The following ANKIB1 variants were observed in gnomAD, a reference collection of about 807,000 sequenced individuals.
ANKIB1 encodes ankyrin repeat and IBR domain containing 1.
A neutral mutation model predicts 122.1 loss-of-function variants in ANKIB1; 43 were observed. The ratio of observed to expected loss-of-function variants is 0.35; its 90% confidence interval spans 0.28 to 0.45. The LOEUF is 0.45. ANKIB1 is among the 20% of genes least tolerant of loss of function. The probability of loss-of-function intolerance (pLI) is 1.00; values close to 1 mark genes in which losing one functional copy is unlikely to be tolerated. For synonymous variants in ANKIB1, 390 were observed against 442.0 expected (o/e 0.88, Z 1.48); for missense variants, 992 against 1,329.5 (o/e 0.75, Z 3.95).
intron 1 of ANKIB1, among the ~76,000 whole-genome samples, chr7:92,252,293 C>T (rs1348167503): frequency 6.6e-6 from 1 of 152,070 alleles, no homozygotes; most frequent in South Asian, 2.1e-4. Context: ...ATGACTCCCA[C>T]CTGAATTAAC....
chr7:92,257,371 G>A (rs1436163277), intron 1 of ANKIB1, among the ~76,000 whole-genome samples: 3 of 152,034 alleles, frequency 2.0e-5, no homozygotes, highest in African/African-American at 7.3e-5. Context: ...TTAATTTAAG[G>A]TTCTTTTTTC....
At chr7:92,340,382 G>A in intron 5 of ANKIB1, among the ~76,000 whole-genome samples, 1 of 152,150 alleles carries the variant, frequency 6.6e-6, no homozygotes, top group Non-Finnish European at 1.5e-5. Flanking sequence ...TAGACAAATA[G>A]ACCATTGAAA....
intron 10 of ANKIB1, among the ~76,000 whole-genome samples, chr7:92,363,550 TG>T (rs1196907543): frequency 2.0e-5 from 3 of 152,174 alleles, no homozygotes; most frequent in Non-Finnish European, 4.4e-5. Context: ...TGAGTAAAGA[TG>T]AGAGTACAGA....
rs557726847 is a variant in ANKIB1, at chr7:92,318,482, G to C, written c.487-848G>C. ...GAATCATGCCATTGCACTCCAGTCT[G>C]GGTGACAGATCAAAACTCTGTCTCA... is the stretch of plus-strand genomic sequence containing the variant. On this transcript the variant is annotated intron_variant, in intron 3 of 19. Coordinates refer to ENST00000265742, the MANE Select transcript of ANKIB1 (RefSeq NM_019004.2). Among the ~76,000 whole-genome samples, 3 of 152,268 alleles carry C rather than the reference G, an allele frequency of 2.0e-5. No homozygotes were observed. In the East Asian group the frequency reaches 5.8e-4, roughly 29 times the overall value.
At chr7:92,368,939 G>C (rs1386302537) in intron 10 of ANKIB1, among the ~76,000 whole-genome samples, 2 of 152,180 alleles carry the variant, frequency 1.3e-5, no homozygotes, top group African/African-American at 2.4e-5. Context: ...AGGCCACACT[G>C]CTGCTTTGTT....
intron 1 of ANKIB1, among the ~76,000 whole-genome samples, chr7:92,256,177 A>T (rs1434307584): frequency 2.0e-5 from 3 of 152,222 alleles, no homozygotes; most frequent in Non-Finnish European, 2.9e-5. Flanking sequence ...AGAGGAGACA[A>T]CATTCTAGGA....
In ANKIB1 at chr7:92,246,271, T is replaced by G; in HGVS notation, c.-339T>G. On this transcript the variant is annotated 5_prime_UTR_variant, in exon 1 of 20. Coordinates refer to ENST00000265742, the MANE Select transcript of ANKIB1 (RefSeq NM_019004.2). ...AGAGGGATGGGGGGCGCCCACCCAG[T>G]CTGAGCCTCGCCGCGGGCGCCTTCG... is the stretch of plus-strand genomic sequence containing the variant. 1 of 406,812 alleles carries G rather than the reference T, an allele frequency of 2.5e-6. No homozygotes were observed. The highest frequency in any genetic ancestry group is 4.8e-6 in the Non-Finnish European group (1 of 209,026). 25.2% of individuals were successfully genotyped at this position (406,812 alleles called of 1,614,324 possible). A position where few individuals can be genotyped will look rare whatever the true frequency, so the allele number is the denominator to read the frequency against.
chr7:92,295,287 A>G (rs1325584573), intron 2 of ANKIB1, 121 bp downstream of exon 2: 4 of 611,906 alleles, frequency 6.5e-6, no homozygotes, highest in Non-Finnish European at 9.8e-6. Flanking sequence ...CATGATATAT[A>G]TACAAACATG....
intron 5 of ANKIB1, among the ~76,000 whole-genome samples, chr7:92,334,139 A>G (rs983220866): frequency 2.6e-5 from 4 of 152,142 alleles, no homozygotes; most frequent in African/African-American, 7.2e-5. Context: ...CTTTATTCCA[A>G]GGATAAATTT....
chr7:92,350,714 C>G (rs1803643864), intron 7 of ANKIB1, among the ~76,000 whole-genome samples: 1 of 152,038 alleles, frequency 6.6e-6, no homozygotes, highest in Non-Finnish European at 1.5e-5. Context: ...AAAATTAGCC[C>G]AGCATAGCAG....
intron 4 of ANKIB1, among the ~76,000 whole-genome samples, 176 bp from the exon 5 acceptor site, chr7:92,327,607 G>A (rs1481318027): frequency 6.6e-6 from 1 of 151,658 alleles, no homozygotes; most frequent in Non-Finnish European, 1.5e-5. Context: ...GTCTGTGCAT[G>A]TTTAGTATAG....
chr7:92,333,888 AAAT>A (rs896653443), intron 5 of ANKIB1, among the ~76,000 whole-genome samples: 61 of 152,172 alleles, frequency 4.0e-4, no homozygotes, highest in African/African-American at 1.4e-3. Context: ...AATTTTTGAA[AAAT>A]AATACTATCC....
chr7:92,305,169 C>T (rs1183143215), intron 2 of ANKIB1, among the ~76,000 whole-genome samples: 1 of 152,108 alleles, frequency 6.6e-6, no homozygotes, highest in Non-Finnish European at 1.5e-5. Flanking sequence ...TTAAGATAAA[C>T]TCTCAGGAGT....
intron 1 of ANKIB1, among the ~76,000 whole-genome samples, chr7:92,284,561 AAG>A (rs1172924409): frequency 6.6e-6 from 1 of 152,240 alleles, no homozygotes; most frequent in African/African-American, 2.4e-5. Flanking sequence ...AAAAGAATAA[AAG>A]GGGGAAATTA....
intron 11 of ANKIB1, among the ~76,000 whole-genome samples, chr7:92,383,487 C>T (rs2115683968): frequency 6.6e-6 from 1 of 152,240 alleles, no homozygotes. Context: ...ATGCAAAAAT[C>T]CTCAATAAAT....
chr7:92,328,273 G>A (rs1803070135), intron 5 of ANKIB1, among the ~76,000 whole-genome samples: 1 of 152,124 alleles, frequency 6.6e-6, no homozygotes, highest in African/African-American at 2.4e-5. Flanking sequence ...TAAAATTATG[G>A]TAGTTCAATT....
chr7:92,348,373 T>C (rs968484398), intron 7 of ANKIB1, among the ~76,000 whole-genome samples: 3 of 151,670 alleles, frequency 2.0e-5, no homozygotes, highest in African/African-American at 4.9e-5. Flanking sequence ...TCTCTACTTT[T>C]AGTCTTTAAG....
At chr7:92,367,566 T>G (rs1283769573) in intron 10 of ANKIB1, among the ~76,000 whole-genome samples, 1 of 152,226 alleles carries the variant, frequency 6.6e-6, no homozygotes, top group East Asian at 1.9e-4. Context: ...GAAATAATTT[T>G]CTTCTTTATG....
intron 2 of ANKIB1, among the ~76,000 whole-genome samples, chr7:92,300,623 A>AAT (rs201103880): frequency 0.017 from 2,517 of 151,686 alleles, 29 homozygotes; most frequent in Middle Eastern, 0.027. Flanking sequence ...GTGATGTTTT[A>AAT]ATATATATAT....
Sources: gnomAD v4.1 joint callset for allele counts (sites outside exome capture counted in the v4.1 genomes callset) on GRCh38, gnomAD v4.1.1 for gene constraint, MANE v1.5 for transcripts, NCBI Gene and HGNC (gene_info 2026-07-23, HGNC 2026-07-21) for gene names.